The following EIF3L variants were observed in gnomAD, a reference collection of about 807,000 sequenced individuals.
The protein encoded by EIF3L is eukaryotic translation initiation factor 3 subunit L, also known as eIEF associated protein HSPC021.
EIF3L carries 32 observed loss-of-function variants against 74.6 expected under a neutral mutation model. The ratio of observed to expected loss-of-function variants is 0.43; its 90% CI spans 0.32 to 0.58. EIF3L has a LOEUF of 0.58. Among genes scored for constraint, EIF3L ranks in the 20% least tolerant of loss-of-function variants. The pLI, the probability that EIF3L is intolerant of heterozygous loss-of-function variation, is 0.06. For missense variants in EIF3L, 474 were observed against 707.8 expected (o/e 0.67, Z 3.75); for synonymous variants, 256 against 254.4 (o/e 1.01, Z -0.06).
At position 37,870,527 on chromosome 22, in the gene EIF3L, G is replaced by A. The variant is rs932243176; in HGVS notation, c.751+180G>A. ...CAGAGTATTTGTGCTGGGGGCTCTG[G>A]GGCTTGGGAGTCCATTGGCCAACAG... On this transcript the variant is annotated intron_variant, in intron 8 of 12. Transcript: ENST00000652021. Among the ~76,000 whole-genome samples the A allele has an allele frequency of 6.6e-5, 10 of 152,050 alleles. 1 individual carries two copies. In the East Asian group the frequency reaches 1.7e-3, roughly 26 times the overall value.
intron 12 of EIF3L, chr22:37,888,203 G>T: frequency 1.9e-6 from 1 of 515,802 alleles, no homozygotes. Flanking sequence ...TGTTGTGTAT[G>T]GGTTTGTTGA....
intron 7 of EIF3L, 151 bp from the exon 8 acceptor site, chr22:37,870,025 G>T: frequency 1.8e-6 from 1 of 553,352 alleles, no homozygotes; most frequent in Non-Finnish European, 3.1e-6. Context: ...TTGAAAAACA[G>T]TGTACGGAAT....
chr22:37,880,109 TTTTTATTTTA>T (rs961642873), intron 11 of EIF3L: 2 of 150,032 alleles, frequency 1.3e-5, no homozygotes, highest in Non-Finnish European at 3.0e-5. Context: ...TATTATTTTA[TTTTTATTTTA>T]TTTTATTTTA....
chr22:37,850,154 C>T (rs1925109089), intron 2 of EIF3L, 91 bp downstream of exon 2: 3 of 1,455,760 alleles, frequency 2.1e-6, no homozygotes, highest in African/African-American at 1.4e-5. Flanking sequence ...TCAAAAATTG[C>T]TCTTTGATGG....
chr22:37,873,742 CAAAA>C (rs1348741530), intron 8 of EIF3L, among the ~76,000 whole-genome samples: 1 of 151,806 alleles, frequency 6.6e-6, no homozygotes, highest in Non-Finnish European at 1.5e-5. Context: ...AACAAACAAA[CAAAA>C]AACAACTGAT....
chr22:37,860,296 G>T (rs1459075079), intron 5 of EIF3L, among the ~76,000 whole-genome samples: 4 of 151,942 alleles, frequency 2.6e-5, no homozygotes, highest in Non-Finnish European at 5.9e-5. Context: ...TCTCTGACAT[G>T]ATATCCAGCA....
chr22:37,854,437 C>T (rs1315226212), intron 3 of EIF3L, among the ~76,000 whole-genome samples: 3 of 151,998 alleles, frequency 2.0e-5, no homozygotes, highest in Non-Finnish European at 4.4e-5. Context: ...CACTGAGTGG[C>T]TTTGTGTTTT....
chr22:37,864,048 T>G (rs562663551), intron 7 of EIF3L, among the ~76,000 whole-genome samples: 1 of 151,026 alleles, frequency 6.6e-6, no homozygotes, highest in South Asian at 2.1e-4. Context: ...CTGGTAACAG[T>G]GCAAGACTCC....
intron 7 of EIF3L, 25 bp from the exon 8 acceptor site, chr22:37,870,151 G>A (rs747556279): frequency 1.9e-6 from 3 of 1,571,552 alleles, no homozygotes; most frequent in Non-Finnish European, 2.6e-6. Flanking sequence ...TACCACTACT[G>A]CATGTTTCTT....
At chr22:37,881,171 G>C (rs1313753964) in intron 11 of EIF3L, 1 of 152,220 alleles carries the variant, frequency 6.6e-6, no homozygotes, top group Non-Finnish European at 1.5e-5. Flanking sequence ...TTGAAGAACA[G>C]TGTTAGTTTT....
intron 11 of EIF3L, chr22:37,880,419 T>C (rs555769685): frequency 1.3e-5 from 2 of 152,306 alleles, no homozygotes; most frequent in East Asian, 3.9e-4. Flanking sequence ...GGCTCTCTTT[T>C]TTGAGACAAG....
At chr22:37,853,041 T>C (rs894266774) in intron 3 of EIF3L, among the ~76,000 whole-genome samples, 3 of 152,120 alleles carry the variant, frequency 2.0e-5, no homozygotes, top group Admixed American at 6.6e-5. Flanking sequence ...TCCGTATCTG[T>C]ACAGGTCTCC....
intron 3 of EIF3L, among the ~76,000 whole-genome samples, chr22:37,854,774 G>C (rs867764141): frequency 2.5e-4 from 38 of 152,212 alleles, no homozygotes; most frequent in African/African-American, 8.7e-4. Context: ...GCCTGTTTCA[G>C]TGTTTCTTTT....
At chr22:37,862,797 G>C (rs943385115) in intron 5 of EIF3L, among the ~76,000 whole-genome samples, 172 bp from the exon 6 acceptor site, 6 of 152,142 alleles carry the variant, frequency 3.9e-5, no homozygotes, top group South Asian at 4.1e-4. Flanking sequence ...TATTCAGTGC[G>C]TCAGCTGCTA....
At chr22:37,865,577 G>T (rs1442277020) in intron 7 of EIF3L, among the ~76,000 whole-genome samples, 1 of 152,156 alleles carries the variant, frequency 6.6e-6, no homozygotes, top group East Asian at 1.9e-4. Context: ...TCTTAATAAA[G>T]ATGTTATTAG....
In EIF3L at chr22:37,877,973, C is replaced by T; in HGVS notation, c.1377C>T (p.Thr459=). 1 of 1,612,596 alleles carries T rather than the reference C, an allele frequency of 6.2e-7. No individual in the cohort carries two copies. The highest frequency in any genetic ancestry group is 8.5e-7 in the Non-Finnish European group (1 of 1,179,836). The change falls in exon 11 of 13, where the codon ACC becomes ACT. Residue 459 remains threonine, a synonymous_variant. Transcript: ENST00000652021. ...DEVQQQAQLS[T]IRSFLKLYTT... is the part of the protein sequence containing the mutation. ...TACAGCAGCAGGCCCAGCTTTCAAC[C>T]ATCCGCAGCTTCCTGAAGCTCTACA...
chr22:37,871,361 T>C (rs953145870), intron 8 of EIF3L: 1 of 152,092 alleles, frequency 6.6e-6, no homozygotes, highest in Non-Finnish European at 1.5e-5. Flanking sequence ...ATTTGAAATC[T>C]GAAATGCTCC....
At chr22:37,859,720 TTTAA>T (rs1409024831) in intron 5 of EIF3L, among the ~76,000 whole-genome samples, 1 of 151,544 alleles carries the variant, frequency 6.6e-6, no homozygotes, top group Non-Finnish European at 1.5e-5. Flanking sequence ...ATCTGTACTA[TTTAA>T]GGCTGGGCGC....
In EIF3L at chr22:37,876,114, T is replaced by C. The variant is rs945793696; in HGVS notation, c.1077+103T>C. ...AAACACCATCCAAAATATTGCACTT[T>C]TAAGCCAGGAGTTCAAGACTGTAGA... On this transcript the variant is annotated intron_variant, in intron 10 of 12. Transcript: ENST00000652021. The C allele has an allele frequency of 3.1e-6, 4 of 1,295,690 alleles. No individual in the cohort carries two copies. In the African/African-American group the frequency reaches 5.9e-5, roughly 19 times the overall value. 80.3% of individuals were successfully genotyped at this position (1,295,690 alleles called of 1,614,324 possible).
Sources: gnomAD v4.1 joint callset for allele counts (sites outside exome capture counted in the v4.1 genomes callset) on GRCh38, gnomAD v4.1.1 for gene constraint, MANE v1.5 for transcripts, NCBI Gene and HGNC (gene_info 2026-07-23, HGNC 2026-07-21) for gene names.